The following FHIT variants were observed in gnomAD, a reference collection of about 807,000 sequenced individuals.
The protein encoded by FHIT is fragile histidine triad diadenosine triphosphatase, also known as bis(5'-adenosyl)-triphosphatase.
In FHIT, 19 loss-of-function variants were observed where a neutral mutation model predicts 17.9. The observed-to-expected ratio is 1.06, with a 90% CI of 0.74 to 1.56. The LOEUF (loss-of-function observed/expected upper bound fraction) is 1.56, where lower values mean the gene tolerates loss of function less well. Ranked by LOEUF, FHIT falls within the 40% of genes most tolerant of loss-of-function variation. The probability of loss-of-function intolerance (pLI) is 0.00; values close to 1 mark genes in which losing one functional copy is unlikely to be tolerated. For missense variants in FHIT, 248 were observed against 189.2 expected, an observed-to-expected ratio of 1.31 and a Z score of -1.82; for synonymous variants, 81 against 69.7, an observed-to-expected ratio of 1.16 and a Z score of -0.81.
At chr3:59,917,200 C>T (rs965512213) in intron 8 of FHIT, among the ~76,000 whole-genome samples, 11 of 152,354 alleles carry the variant, frequency 7.2e-5, no homozygotes, top group South Asian at 6.2e-4. Flanking sequence ...CATGCTTGAA[C>T]CCACAGTTGC....
chr3:60,806,412 T>C (rs782794670), intron 4 of FHIT, among the ~76,000 whole-genome samples: 2 of 152,242 alleles, frequency 1.3e-5, no homozygotes, highest in Non-Finnish European at 2.9e-5. Flanking sequence ...TGCAGCTTTA[T>C]GTAGCCCTGA....
Position 60,651,189 on chromosome 3 carries a change from T to C in FHIT, c.-17-114210A>G, listed in dbSNP as rs970988679. ...GAGCATTGTAAGAAATCCATCTTGA[T>C]CTTAATTTCTGATTATTTTCTTGTC... On this transcript the variant is annotated intron_variant, in intron 4 of 9. Transcript: ENST00000492590. 2.0e-5 allele frequency among the ~76,000 whole-genome samples: 3 copies of C among 152,142 alleles called. No individual in the cohort carries two copies. In the East Asian group the frequency reaches 5.8e-4, roughly 29 times the overall value.
intron 2 of FHIT, among the ~76,000 whole-genome samples, chr3:61,131,726 C>T (rs2036770913): frequency 6.6e-6 from 1 of 152,178 alleles, no homozygotes; most frequent in Non-Finnish European, 1.5e-5. Context: ...AATTCTGAAA[C>T]TCAAAAAAGG....
chr3:60,986,904 A>G (rs1252745496), intron 3 of FHIT, among the ~76,000 whole-genome samples: 2 of 152,212 alleles, frequency 1.3e-5, no homozygotes, highest in Admixed American at 6.5e-5. Flanking sequence ...CTTTACATGT[A>G]GCATACATAC....
intron 7 of FHIT, 128 bp downstream of exon 7, chr3:60,011,242 AC>A: frequency 1.2e-6 from 1 of 805,878 alleles, no homozygotes; most frequent in Non-Finnish European, 2.1e-6. Flanking sequence ...CGGCTCTAAC[AC>A]TGAGGGTCTC....
At chr3:61,224,623 TG>T (rs1205750436) in intron 1 of FHIT, among the ~76,000 whole-genome samples, 2 of 152,156 alleles carry the variant, frequency 1.3e-5, no homozygotes, top group Non-Finnish European at 2.9e-5. Flanking sequence ...TTGGCCAGGC[TG>T]GTCTTGTACT....
intron 5 of FHIT, among the ~76,000 whole-genome samples, chr3:60,528,344 T>A (rs1191604603): frequency 6.6e-6 from 1 of 152,022 alleles, no homozygotes; most frequent in African/African-American, 2.4e-5. Context: ...ATTATCTTAA[T>A]GTAAGATATT....
intron 5 of FHIT, among the ~76,000 whole-genome samples, chr3:60,373,197 G>T (rs928412920): frequency 6.6e-6 from 1 of 152,142 alleles, no homozygotes; most frequent in Non-Finnish European, 1.5e-5. Context: ...TGATCTGATT[G>T]TAATTGTGAT....
intron 5 of FHIT, among the ~76,000 whole-genome samples, chr3:60,019,806 TCA>T (rs1700485706): frequency 6.6e-6 from 1 of 152,206 alleles, no homozygotes; most frequent in Non-Finnish European, 1.5e-5. Flanking sequence ...TTGTTCAAAG[TCA>T]CACAGTTAGG....
intron 5 of FHIT, among the ~76,000 whole-genome samples, chr3:60,173,884 AATATATATATAT>A (rs776742490): frequency 0.023 from 708 of 30,554 alleles, 75 homozygotes; most frequent in African/African-American, 0.1. Context: ...CCATGTTTCT[AATATATATATAT>A]ATATATATAT....
chr3:60,400,198 C>T (rs113109291), intron 5 of FHIT, among the ~76,000 whole-genome samples: 1 of 152,170 alleles, frequency 6.6e-6, no homozygotes, highest in East Asian at 1.9e-4. Flanking sequence ...ATCTGTAGAA[C>T]AGGAATTCAG....
At chr3:59,986,709 AAT>A (rs1480032850) in intron 7 of FHIT, among the ~76,000 whole-genome samples, 1 of 32,980 alleles carries the variant, frequency 3.0e-5, no homozygotes, top group Non-Finnish European at 4.8e-5. Context: ...TATTTATATA[AAT>A]ATATACATAT....
At chr3:60,761,578 T>C (rs1237152089) in intron 4 of FHIT, among the ~76,000 whole-genome samples, 3 of 151,326 alleles carry the variant, frequency 2.0e-5, no homozygotes, top group Non-Finnish European at 4.4e-5. Context: ...ATTATCAACA[T>C]AGATGTTCTA....
At chr3:60,432,749 T>A (rs755930078) in intron 5 of FHIT, among the ~76,000 whole-genome samples, 14 of 152,088 alleles carry the variant, frequency 9.2e-5, no homozygotes, top group Non-Finnish European at 1.8e-4. Flanking sequence ...AGGAGTAAAA[T>A]TAACATGTTG....
intron 5 of FHIT, among the ~76,000 whole-genome samples, chr3:60,318,262 T>G (rs986435083): frequency 6.6e-6 from 1 of 152,210 alleles, no homozygotes; most frequent in African/African-American, 2.4e-5. Flanking sequence ...CTTGCCTTTT[T>G]CTTTGGACAT....
intron 3 of FHIT, among the ~76,000 whole-genome samples, chr3:60,861,777 A>G (rs555667569): frequency 5.2e-4 from 79 of 152,230 alleles, no homozygotes; most frequent in Non-Finnish European, 2.1e-4. Context: ...ACCAAAAAAC[A>G]AAGTAAGAAC....
intron 5 of FHIT, among the ~76,000 whole-genome samples, chr3:60,346,861 T>C (rs1426681752): frequency 1.3e-5 from 2 of 152,214 alleles, no homozygotes; most frequent in Admixed American, 6.5e-5. Context: ...ATCCATTTTA[T>C]GGATGTTGCT....
chr3:60,726,463 A>G (rs2041918176), intron 4 of FHIT, among the ~76,000 whole-genome samples: 1 of 152,198 alleles, frequency 6.6e-6, no homozygotes, highest in Non-Finnish European at 1.5e-5. Context: ...GACTAAAACT[A>G]TAGAGCAACT....
At chr3:60,791,711 G>C (rs111549860) in intron 4 of FHIT, among the ~76,000 whole-genome samples, 1 of 152,134 alleles carries the variant, frequency 6.6e-6, no homozygotes, top group African/African-American at 2.4e-5. Flanking sequence ...ATAGATTTCA[G>C]GTCTTCTGTC....
Sources: allele counts gnomAD v4.1 joint callset (sites outside exome capture counted in the v4.1 genomes callset), GRCh38; gene constraint gnomAD v4.1.1; transcripts MANE v1.5; gene names NCBI Gene and HGNC (gene_info 2026-07-23, HGNC 2026-07-21).